UTRN: variants seen among roughly 807,000 people sequenced by gnomAD.
The protein encoded by UTRN is dystrophin-related protein 1.
In UTRN, 283 loss-of-function variants were observed where a neutral mutation model predicts 463.9. That is an observed-to-expected ratio of 0.61 (90% CI 0.55 to 0.67). The LOEUF is 0.67. Among genes scored for constraint, UTRN ranks in the 30% least tolerant of loss-of-function variants. The pLI is 0.00. For synonymous variants in UTRN, 1,442 were observed against 1,431.5 expected, an observed-to-expected ratio of 1.01 and a Z score of -0.17; for missense variants, 3,922 against 4,084.3, an observed-to-expected ratio of 0.96 and a Z score of 1.08.
intron 2 of UTRN, among the ~76,000 whole-genome samples, chr6:144,355,235 A>T (rs1417352338): frequency 1.3e-5 from 2 of 152,120 alleles, no homozygotes; most frequent in Non-Finnish European, 2.9e-5. Context: ...TTTTTGAGAC[A>T]GAGTCTCTGT....
At chr6:144,695,835 A>G (rs1215026767) in intron 52 of UTRN, among the ~76,000 whole-genome samples, 1 of 152,198 alleles carries the variant, frequency 6.6e-6, no homozygotes, top group Non-Finnish European at 1.5e-5. Flanking sequence ...TTGGAAATAC[A>G]CTAATAAGTT....
rs1789384207 is a variant in UTRN, at chr6:144,461,337, A to G, written c.2848A>G (p.Lys950Glu). ...LAKVEKALQE[K>E]KTLDEILENQ... Reference sequence around the variant, plus strand: ...CAAGGTGGAGAAGGCCCTGCAAGAAAAAAAGGTAACATATATCTTCCATGT... The same window carrying G: ...CAAGGTGGAGAAGGCCCTGCAAGAAGAAAAGGTAACATATATCTTCCATGT... Residue 950 changes from lysine to glutamate, a missense_variant, in exon 22 of 75, where the codon AAA becomes GAA. By Grantham distance (56) the Lys-to-Glu change is moderately conservative. Coordinates refer to ENST00000367545, the MANE Select transcript of UTRN (RefSeq NM_007124.3). 6.4e-7 allele frequency: 1 copy of G among 1,565,406 alleles called. No individual in the cohort carries two copies. Among genetic ancestry groups the G allele is most frequent in the South Asian group, 1.2e-5 (1 of 81,050 alleles).
intron 65 of UTRN, among the ~76,000 whole-genome samples, chr6:144,817,925 T>C (rs1586697524): frequency 6.6e-6 from 1 of 152,210 alleles, no homozygotes; most frequent in South Asian, 2.1e-4. Flanking sequence ...CAATAACTAC[T>C]ATAACTTTTG....
chr6:144,393,652 A>G (rs1562336114), intron 2 of UTRN, among the ~76,000 whole-genome samples: 1 of 152,130 alleles, frequency 6.6e-6, no homozygotes, highest in African/African-American at 2.4e-5. Context: ...GTGTTGAAAA[A>G]GAATATTCAG....
intron 2 of UTRN, among the ~76,000 whole-genome samples, chr6:144,394,644 A>G (rs529765966): frequency 6.6e-6 from 1 of 152,202 alleles, no homozygotes; most frequent in Non-Finnish European, 1.5e-5. Flanking sequence ...CATTAGCTCT[A>G]TAGAAAACAT....
At chr6:144,719,077 A>G (rs1261068387) in intron 53 of UTRN, among the ~76,000 whole-genome samples, 1 of 152,238 alleles carries the variant, frequency 6.6e-6, no homozygotes, top group Non-Finnish European at 1.5e-5. Context: ...CTTCTACTGC[A>G]GAGTTGCTCC....
At chr6:144,405,299 T>C (rs539890735) in intron 3 of UTRN, among the ~76,000 whole-genome samples, 1 of 152,298 alleles carries the variant, frequency 6.6e-6, no homozygotes, top group Non-Finnish European at 1.5e-5. Context: ...TCCACATTAT[T>C]TTTTCTTTCT....
intron 51 of UTRN, among the ~76,000 whole-genome samples, chr6:144,665,910 C>T (rs1780337521): frequency 6.6e-6 from 1 of 152,228 alleles, no homozygotes; most frequent in South Asian, 2.1e-4. Context: ...GTTAGTTCAA[C>T]TGCTTGAATA....
chr6:144,478,204 G>A (rs1473286785), intron 25 of UTRN, among the ~76,000 whole-genome samples: 1 of 151,906 alleles, frequency 6.6e-6, no homozygotes, highest in Non-Finnish European at 1.5e-5. Context: ...ATGATATCCT[G>A]AAAAAAAGGA....
chr6:144,294,447 C>T (rs1334349188), intron 2 of UTRN, among the ~76,000 whole-genome samples: 2 of 152,094 alleles, frequency 1.3e-5, no homozygotes, highest in Non-Finnish European at 2.9e-5. Flanking sequence ...TAGATTAAGT[C>T]ATAGGAATTG....
intron 52 of UTRN, among the ~76,000 whole-genome samples, chr6:144,690,385 C>A (rs146886875): frequency 1.6e-4 from 24 of 152,020 alleles, no homozygotes; most frequent in African/African-American, 5.5e-4. Flanking sequence ...GGTCTCACAT[C>A]TGCAGCATTC....
At chr6:144,451,853 C>A (rs1361340893) in intron 18 of UTRN, among the ~76,000 whole-genome samples, 1 of 151,986 alleles carries the variant, frequency 6.6e-6, no homozygotes, top group Non-Finnish European at 1.5e-5. Context: ...GTTTTGCCTT[C>A]GGAATACAAC....
chr6:144,585,971 G>A (rs984071992), intron 51 of UTRN, among the ~76,000 whole-genome samples: 1 of 151,996 alleles, frequency 6.6e-6, no homozygotes, highest in African/African-American at 2.4e-5. Flanking sequence ...ATTCATATTG[G>A]CATTTTGAAA....
At chr6:144,790,164 G>A (rs1776641394) in intron 62 of UTRN, among the ~76,000 whole-genome samples, 1 of 152,188 alleles carries the variant, frequency 6.6e-6, no homozygotes, top group South Asian at 2.1e-4. Context: ...TTGAATAAAT[G>A]GTAGCAGTTG....
At chr6:144,801,765 T>G (rs2128746789) in intron 64 of UTRN, among the ~76,000 whole-genome samples, 1 of 152,326 alleles carries the variant, frequency 6.6e-6, no homozygotes, top group African/African-American at 2.4e-5. Context: ...GACTGTTCTC[T>G]GTGACCACCT....
intron 51 of UTRN, among the ~76,000 whole-genome samples, chr6:144,646,718 T>G (rs1206452438): frequency 6.6e-6 from 1 of 152,156 alleles, no homozygotes; most frequent in Non-Finnish European, 1.5e-5. Context: ...GGGGCGGCTT[T>G]TAATTTGACA....
At chr6:144,479,633 T>G (rs1160929398) in intron 25 of UTRN, among the ~76,000 whole-genome samples, 179 bp from the exon 26 acceptor site, 1 of 152,226 alleles carries the variant, frequency 6.6e-6, no homozygotes, top group Non-Finnish European at 1.5e-5. Flanking sequence ...CTTAAGATTA[T>G]TTTCATTACT....
In UTRN at chr6:144,619,924, C is replaced by T. The variant is rs183666434; in HGVS notation, c.7479+42636C>T. Among the ~76,000 whole-genome samples the T allele has an allele frequency of 2.0e-4, 30 of 152,290 alleles. No individual in the cohort carries two copies. In the East Asian group the frequency reaches 5.6e-3, roughly 28 times the overall value. On this transcript the variant is annotated intron_variant, in intron 51 of 74. Transcript: ENST00000367545. ...AGACCACCCAGGAAGGGCATTCCTT[C>T]TGTAATAGGAAAGGTCTTTAAACCT...
intron 52 of UTRN, among the ~76,000 whole-genome samples, chr6:144,683,645 C>T (rs1344253621): frequency 1.3e-5 from 2 of 152,202 alleles, no homozygotes; most frequent in African/African-American, 4.8e-5. Context: ...ACTTTTCCAT[C>T]ACTTTTCTCT....
Sources: allele counts gnomAD v4.1 joint callset (sites outside exome capture counted in the v4.1 genomes callset), GRCh38; gene constraint gnomAD v4.1.1; transcripts MANE v1.5; gene names NCBI Gene and HGNC (gene_info 2026-07-23, HGNC 2026-07-21).